Variants in CCBE1 observed in about 807,000 individuals in gnomAD.
CCBE1 encodes collagen and calcium binding EGF domains 1.
CCBE1 carries 37 observed loss-of-function variants against 50.0 expected under a neutral mutation model. The observed-to-expected ratio is 0.74, with a 90% CI of 0.57 to 0.97. The LOEUF (loss-of-function observed/expected upper bound fraction) is 0.97. Ranked by LOEUF, CCBE1 falls within the 50% of genes least tolerant of loss-of-function variation. CCBE1 has a pLI of 0.00. For synonymous variants in CCBE1, 234 were observed against 203.7 expected (o/e 1.15, Z -1.27); for missense variants, 538 against 523.8 (o/e 1.03, Z -0.26).
chr18:59,696,488 C>A (rs2054805252), intron 2 of CCBE1, 141 bp downstream of exon 2: 5 of 1,526,780 alleles, frequency 3.3e-6, no homozygotes, highest in African/African-American at 1.4e-5. Context: ...AGATTCGCAC[C>A]GCGCGGCACG....
chr18:59,599,121 C>T (rs921263584), intron 2 of CCBE1, among the ~76,000 whole-genome samples: 6 of 151,970 alleles, frequency 3.9e-5, no homozygotes, highest in Non-Finnish European at 8.8e-5. Context: ...TTATTTTTCT[C>T]CTCCCACCGT....
At chr18:59,492,475 A>G (rs1266834097) in intron 2 of CCBE1, among the ~76,000 whole-genome samples, 1 of 152,166 alleles carries the variant, frequency 6.6e-6, no homozygotes, top group Non-Finnish European at 1.5e-5. Context: ...TGAGTGACTG[A>G]TGGTGGGCAA....
At chr18:59,531,047 TA>T (rs5825345) in intron 2 of CCBE1, among the ~76,000 whole-genome samples, 42,045 of 152,036 alleles carry the variant, frequency 0.28, 6,007 homozygotes, top group African/African-American at 0.33. Flanking sequence ...CTTGCTAAAG[TA>T]AAATACCAAA....
intron 2 of CCBE1, among the ~76,000 whole-genome samples, chr18:59,548,755 C>T (rs1915805085): frequency 6.6e-6 from 1 of 152,042 alleles, no homozygotes; most frequent in Non-Finnish European, 1.5e-5. Flanking sequence ...AAATAGCCTA[C>T]CATACATGTA....
chr18:59,648,897 C>T (rs1177806737), intron 2 of CCBE1, among the ~76,000 whole-genome samples: 1 of 152,168 alleles, frequency 6.6e-6, no homozygotes, highest in Non-Finnish European at 1.5e-5. Context: ...AAGTTTAGCT[C>T]CTCTCAGAGA....
intron 6 of CCBE1, among the ~76,000 whole-genome samples, chr18:59,449,079 T>C (rs1910812441): frequency 1.3e-5 from 2 of 152,164 alleles, no homozygotes; most frequent in South Asian, 2.1e-4. Context: ...AATTTTATCA[T>C]CTGCTTCCAA....
intron 2 of CCBE1, among the ~76,000 whole-genome samples, chr18:59,527,727 C>G (rs1480978743): frequency 6.6e-6 from 1 of 152,154 alleles, no homozygotes; most frequent in East Asian, 1.9e-4. Context: ...TACTTTATTT[C>G]TCCTTCCAGT....
At chr18:59,672,390 G>C (rs943070583) in intron 2 of CCBE1, among the ~76,000 whole-genome samples, 5 of 152,210 alleles carry the variant, frequency 3.3e-5, no homozygotes, top group African/African-American at 1.2e-4. Context: ...AAAGCAGCCT[G>C]TGCTAGTTCC....
chr18:59,435,824 C>G lies in CCBE1; in HGVS notation c.*84G>C. 1 of 1,166,626 alleles carries G rather than the reference C, an allele frequency of 8.6e-7. No homozygotes were observed. Among genetic ancestry groups the G allele is most frequent in the South Asian group, 1.2e-5 (1 of 82,016 alleles). The allele number at this position is 1,166,626 out of a possible 1,614,324, so 72.3% of individuals were successfully genotyped here. A position where few individuals can be genotyped will look rare whatever the true frequency, so the allele number is the denominator to read the frequency against. The stretch of plus-strand genomic sequence containing the variant: ...AGAAAAATGTATGTTTTCTAGGTCT[C>G]CAGTGGTCTTTCTTCTCTTTAGATG... On this transcript the variant is annotated 3_prime_UTR_variant, in exon 11 of 11. Transcript: ENST00000439986.
Position 59,473,049 on chromosome 18 carries a change from G to A in CCBE1, c.266-3442C>T, listed in dbSNP as rs149968209. The stretch of plus-strand genomic sequence containing the variant: ...TGACACGTGGGGATTATTACAGTTC[G>A]ATGTGAGATTTGGGTGGGGACACAG... On this transcript the variant is annotated intron_variant, in intron 3 of 10. Transcript: ENST00000439986. Among the ~76,000 whole-genome samples the A allele has an allele frequency of 4.0e-3, 602 of 152,236 alleles. 1 individual carries two copies. The highest frequency in any genetic ancestry group is 0.012 in the African/African-American group (517 of 41,530).
At chr18:59,693,159 C>T (rs560656923) in intron 2 of CCBE1, among the ~76,000 whole-genome samples, 10 of 152,198 alleles carry the variant, frequency 6.6e-5, no homozygotes, top group South Asian at 2.1e-4. Context: ...CCAAATATTG[C>T]GAGATGCATT....
intron 5 of CCBE1, among the ~76,000 whole-genome samples, chr18:59,463,606 G>A (rs1191370353): frequency 2.0e-5 from 3 of 152,114 alleles, no homozygotes; most frequent in Admixed American, 6.6e-5. Context: ...CGCTTCTCTG[G>A]TCATTGCTAG....
intron 5 of CCBE1, among the ~76,000 whole-genome samples, chr18:59,466,112 T>C (rs1468336770): frequency 1.3e-5 from 2 of 152,112 alleles, no homozygotes; most frequent in Non-Finnish European, 2.9e-5. Flanking sequence ...ATATATGTTA[T>C]ATATATTACA....
chr18:59,545,060 T>G (rs1403225795), intron 2 of CCBE1, among the ~76,000 whole-genome samples: 1 of 152,174 alleles, frequency 6.6e-6, no homozygotes, highest in East Asian at 1.9e-4. Flanking sequence ...AAATTACTAG[T>G]TATTCACAGG....
intron 2 of CCBE1, among the ~76,000 whole-genome samples, chr18:59,521,958 G>A (rs555631286): frequency 6.6e-6 from 1 of 152,150 alleles, no homozygotes; most frequent in South Asian, 2.1e-4. Context: ...ACATTTTATT[G>A]TATAATGCCT....
chr18:59,645,083 G>T (rs150674789), intron 2 of CCBE1, among the ~76,000 whole-genome samples: 4 of 151,994 alleles, frequency 2.6e-5, no homozygotes, highest in African/African-American at 9.7e-5. Context: ...GTGAAACCCC[G>T]TCTCTACTAA....
At position 59,431,757 on chromosome 18, in the gene CCBE1, T is replaced by G. The variant is rs1445770812; in HGVS notation, c.*4151A>C. ...TTATTTACTTGTTGGGCTATGATAC[T>G]CCTGAGTTTATACAGTAGAAATGAC... On this transcript the variant is annotated 3_prime_UTR_variant, in exon 11 of 11. Transcript: ENST00000439986. 1 of 152,248 alleles carries G rather than the reference T, an allele frequency of 6.6e-6. No homozygotes were observed. The highest frequency in any genetic ancestry group is 1.5e-5 in the Non-Finnish European group (1 of 68,050). 9.4% of individuals were successfully genotyped at this position (152,248 alleles called of 1,614,324 possible).
chr18:59,606,936 G>A (rs1027704600), intron 2 of CCBE1, among the ~76,000 whole-genome samples: 11 of 152,012 alleles, frequency 7.2e-5, no homozygotes, highest in African/African-American at 1.9e-4. Flanking sequence ...ATAATTAGTC[G>A]GACATGAGTC....
At chr18:59,573,061 A>G (rs1050139893) in intron 2 of CCBE1, among the ~76,000 whole-genome samples, 1 of 151,778 alleles carries the variant, frequency 6.6e-6, no homozygotes, top group African/African-American at 2.4e-5. Flanking sequence ...AGGAGGGTGG[A>G]TCACTTGAGG....
Sources: allele counts gnomAD v4.1 joint callset (sites outside exome capture counted in the v4.1 genomes callset), GRCh38; gene constraint gnomAD v4.1.1; transcripts MANE v1.5; gene names NCBI Gene and HGNC (gene_info 2026-07-23, HGNC 2026-07-21).